Variants in DCC observed in about 807,000 individuals in gnomAD.
DCC encodes DCC netrin 1 receptor.
In DCC, 58 loss-of-function variants were observed where a neutral mutation model predicts 172.5. The observed-to-expected ratio is 0.34, with a 90% CI of 0.27 to 0.42. DCC has a LOEUF of 0.42. Ranked by LOEUF, DCC falls within the 10% of genes least tolerant of loss-of-function variation. The pLI is 1.00. For synonymous variants in DCC, 709 were observed against 644.5 expected (o/e 1.10, Z -1.52); for missense variants, 1,740 against 1,791.0 (o/e 0.97, Z 0.51).
At chr18:52,465,135 G>C (rs545085099) in intron 1 of DCC, among the ~76,000 whole-genome samples, 8 of 152,228 alleles carry the variant, frequency 5.3e-5, no homozygotes, top group African/African-American at 1.9e-4. Flanking sequence ...GAAAAAGCTG[G>C]TCATGCTATT....
chr18:52,635,889 C>T (rs77915269), intron 1 of DCC, among the ~76,000 whole-genome samples: 10,064 of 152,224 alleles, frequency 0.066, 441 homozygotes, highest in Middle Eastern at 0.12. Context: ...CAGCCGGCAG[C>T]GGCTCGCATT....
rs976107009 is a variant in DCC, at chr18:52,839,875, CTCATT to C, written c.413-66159_413-66155del. Among the ~76,000 whole-genome samples the C allele has an allele frequency of 2.2e-4, 33 of 152,314 alleles. 1 individual carries two copies. Among genetic ancestry groups the C allele is most frequent in the African/African-American group, 7.2e-4 (30 of 41,570 alleles). ...GGTTAGTTGGAAGCTGAGTGTCAGA[CTCATT>C]TCATTTCATACCTTGCACTTCCAGT... On this transcript the variant is annotated intron_variant, in intron 2 of 28. Coordinates refer to ENST00000442544, the MANE Select transcript of DCC (RefSeq NM_005215.4).
At chr18:53,385,730 G>T (rs1025211126) in intron 15 of DCC, among the ~76,000 whole-genome samples, 2 of 152,062 alleles carry the variant, frequency 1.3e-5, no homozygotes, top group African/African-American at 4.8e-5. Flanking sequence ...TGAGGCTGTC[G>T]GTTGTTTATT....
intron 27 of DCC, among the ~76,000 whole-genome samples, chr18:53,524,054 A>G (rs1055576341): frequency 7.2e-5 from 11 of 152,072 alleles, no homozygotes; most frequent in Non-Finnish European, 1.5e-4. Flanking sequence ...GAATAAGTTC[A>G]AGAGATCCAT....
intron 5 of DCC, among the ~76,000 whole-genome samples, chr18:53,012,525 C>T (rs960274386): frequency 6.6e-6 from 1 of 151,832 alleles, no homozygotes; most frequent in African/African-American, 2.4e-5. Context: ...AGATTTTAAC[C>T]ATAATAGGGC....
intron 5 of DCC, among the ~76,000 whole-genome samples, chr18:52,926,179 A>G (rs1299214392): frequency 6.6e-6 from 1 of 151,924 alleles, no homozygotes; most frequent in African/African-American, 2.4e-5. Flanking sequence ...CAGAAAAATC[A>G]TAGTCTATTT....
intron 5 of DCC, among the ~76,000 whole-genome samples, chr18:52,975,432 G>C (rs934959456): frequency 1.2e-4 from 19 of 152,040 alleles, no homozygotes; most frequent in African/African-American, 4.6e-4. Context: ...TGTCATGGGG[G>C]GTTGTTGTAC....
chr18:53,093,870 C>A (rs1170366845), intron 7 of DCC, among the ~76,000 whole-genome samples: 1 of 152,174 alleles, frequency 6.6e-6, no homozygotes, highest in African/African-American at 2.4e-5. Flanking sequence ...ACTCTCTCAT[C>A]CATTCCCATC....
intron 5 of DCC, among the ~76,000 whole-genome samples, chr18:52,930,118 T>C (rs2040284705): frequency 1.3e-5 from 2 of 151,998 alleles, no homozygotes; most frequent in South Asian, 2.1e-4. Context: ...CTTTCTTTTC[T>C]TTTTCTTTTC....
At chr18:53,073,913 T>C (rs2042689109) in intron 7 of DCC, among the ~76,000 whole-genome samples, 1 of 151,132 alleles carries the variant, frequency 6.6e-6, no homozygotes, top group African/African-American at 2.4e-5. Flanking sequence ...TATATTATAA[T>C]ATAATTACAT....
chr18:53,423,710 T>C (rs1205646667), intron 21 of DCC, among the ~76,000 whole-genome samples: 1 of 152,228 alleles, frequency 6.6e-6, no homozygotes, highest in South Asian at 2.1e-4. Flanking sequence ...TTTCTTCTTA[T>C]ACTTTGCTAT....
intron 1 of DCC, among the ~76,000 whole-genome samples, chr18:52,400,776 A>C (rs951610813): frequency 8.5e-5 from 13 of 152,102 alleles, no homozygotes; most frequent in African/African-American, 3.1e-4. Flanking sequence ...AAAAAGGATG[A>C]GTTCATGTCC....
intron 14 of DCC, among the ~76,000 whole-genome samples, chr18:53,322,807 AAATG>A (rs1261488287): frequency 6.6e-6 from 1 of 151,774 alleles, no homozygotes; most frequent in Non-Finnish European, 1.5e-5. Flanking sequence ...ATAAAATTTA[AAATG>A]AATGGGTAAT....
At chr18:53,201,037 G>A (rs938566464) in intron 9 of DCC, among the ~76,000 whole-genome samples, 1 of 152,056 alleles carries the variant, frequency 6.6e-6, no homozygotes, top group African/African-American at 2.4e-5. Flanking sequence ...TTGAAACTTG[G>A]AGTCCATTTG....
chr18:52,572,070 C>T (rs970876264), intron 1 of DCC, among the ~76,000 whole-genome samples: 14 of 152,116 alleles, frequency 9.2e-5, no homozygotes, highest in African/African-American at 9.7e-5. Flanking sequence ...GAGGCCTTAA[C>T]ATTTTTAGCA....
At chr18:52,438,062 C>T (rs143720869) in intron 1 of DCC, among the ~76,000 whole-genome samples, 102 of 152,288 alleles carry the variant, frequency 6.7e-4, no homozygotes, top group Middle Eastern at 3.4e-3. Context: ...GATAGATTCA[C>T]TGATTAGATG....
chr18:52,672,536 T>G (rs1424304721), intron 1 of DCC, among the ~76,000 whole-genome samples: 1 of 144,316 alleles, frequency 6.9e-6, no homozygotes, highest in Non-Finnish European at 1.6e-5. Flanking sequence ...TCCCTTCCTT[T>G]CTTTCTTCCT....
intron 1 of DCC, among the ~76,000 whole-genome samples, chr18:52,682,653 C>G (rs1299532539): frequency 6.6e-6 from 1 of 151,980 alleles, no homozygotes; most frequent in Non-Finnish European, 1.5e-5. Context: ...CAGTGATGTC[C>G]TAGGAAGGCA....
intron 8 of DCC, among the ~76,000 whole-genome samples, chr18:53,174,145 C>A (rs1185278829): frequency 2.1e-5 from 3 of 144,886 alleles, no homozygotes; most frequent in Admixed American, 1.4e-4. Flanking sequence ...AACAAGGACA[C>A]AACATACCAG....
Sources: allele counts gnomAD v4.1 joint callset (sites outside exome capture counted in the v4.1 genomes callset), GRCh38; gene constraint gnomAD v4.1.1; transcripts MANE v1.5; gene names NCBI Gene and HGNC (gene_info 2026-07-23, HGNC 2026-07-21).